The following LRBA variants were observed in gnomAD, a reference collection of about 807,000 sequenced individuals.
LRBA encodes lipopolysaccharide-responsive and beige-like anchor protein.
In LRBA, 176 loss-of-function variants were observed where a neutral mutation model predicts 330.0. The ratio of observed to expected loss-of-function variants is 0.53; its 90% confidence interval spans 0.47 to 0.60. The LOEUF is 0.60. LRBA is among the 20% of genes least tolerant of loss of function. LRBA has a pLI of 0.00. For synonymous variants in LRBA, 1,230 were observed against 1,193.0 expected (o/e 1.03, Z -0.64); for missense variants, 3,259 against 3,444.8 (o/e 0.95, Z 1.35).
chr4:150,429,782 T>C (rs776746913), intron 46 of LRBA, among the ~76,000 whole-genome samples: 5 of 152,128 alleles, frequency 3.3e-5, no homozygotes, highest in Admixed American at 1.3e-4. Flanking sequence ...TCTTACTATA[T>C]AAGATATAGC....
At chr4:150,595,333 T>C (rs1447051660) in intron 38 of LRBA, among the ~76,000 whole-genome samples, 1 of 151,956 alleles carries the variant, frequency 6.6e-6, no homozygotes, top group Non-Finnish European at 1.5e-5. Flanking sequence ...CTAGTATATG[T>C]TGATCCTAAA....
Position 151,014,496 on chromosome 4 carries a change from G to A in LRBA, c.147C>T (p.Ala49=), listed in dbSNP as rs763428001. The change falls in exon 2 of 57, where the codon GCC becomes GCT. Residue 49 remains alanine, a synonymous_variant. Transcript: ENST00000651943. The part of the protein sequence containing the change: ...LPIRGIRMKF[A]VLTGLVEVGE... ...CAACTTCAACCAAACCGGTCAACAC[G>A]GCAAATTTCATTCTGATGCCCCTGA... 6.2e-7 allele frequency: 1 copy of A among 1,614,150 alleles called. No homozygotes were observed. The highest frequency in any genetic ancestry group is 8.5e-7 in the Non-Finnish European group (1 of 1,180,036).
chr4:150,928,715 T>C (rs1734140770), intron 3 of LRBA, 99 bp from the exon 4 acceptor site: 1 of 1,239,302 alleles, frequency 8.1e-7, no homozygotes, highest in Non-Finnish European at 1.2e-6. Context: ...ACTAAAGTTC[T>C]AGGTGCATGC....
At chr4:150,774,484 T>A (rs1265865911) in intron 34 of LRBA, among the ~76,000 whole-genome samples, 1 of 152,242 alleles carries the variant, frequency 6.6e-6, no homozygotes, top group Non-Finnish European at 1.5e-5. Flanking sequence ...TAACTTATAA[T>A]ATTTATACAT....
At chr4:150,888,128 A>G (rs1423344600) in intron 17 of LRBA, among the ~76,000 whole-genome samples, 3 of 152,188 alleles carry the variant, frequency 2.0e-5, no homozygotes, top group African/African-American at 7.2e-5. Flanking sequence ...CAGGAAAGAA[A>G]GGAAAGGAAA....
chr4:150,889,135 G>A (rs908972914), intron 17 of LRBA, among the ~76,000 whole-genome samples: 2 of 152,154 alleles, frequency 1.3e-5, no homozygotes, highest in African/African-American at 4.8e-5. Flanking sequence ...CAACTGATTA[G>A]ATGAGGTCCA....
At chr4:150,933,847 C>G (rs557026128) in intron 2 of LRBA, among the ~76,000 whole-genome samples, 1 of 151,654 alleles carries the variant, frequency 6.6e-6, no homozygotes, top group East Asian at 1.9e-4. Flanking sequence ...ATGGCGAGAC[C>G]CCATCTCTAC....
chr4:150,877,526 TA>T (rs1754182526), intron 17 of LRBA, among the ~76,000 whole-genome samples: 1 of 152,180 alleles, frequency 6.6e-6, no homozygotes, highest in African/African-American at 2.4e-5. Flanking sequence ...ATCAGATATA[TA>T]AAACAACGAC....
intron 2 of LRBA, chr4:151,014,222 CA>C: frequency 3.8e-6 from 2 of 519,914 alleles, no homozygotes; most frequent in South Asian, 6.5e-5. Context: ...TTCACTTTCA[CA>C]AAACCTGGAT....
intron 36 of LRBA, among the ~76,000 whole-genome samples, chr4:150,716,388 G>C (rs1728204565): frequency 6.6e-6 from 1 of 152,110 alleles, no homozygotes; most frequent in African/African-American, 2.4e-5. Context: ...GGAGGTTTCA[G>C]TGCATAAAAA....
chr4:150,536,732 A>AT (rs1163545986), intron 40 of LRBA, among the ~76,000 whole-genome samples: 1 of 152,234 alleles, frequency 6.6e-6, no homozygotes, highest in African/African-American at 2.4e-5. Context: ...CCTAATCAAG[A>AT]ACACAATCCC....
intron 28 of LRBA, among the ~76,000 whole-genome samples, chr4:150,833,592 A>C (rs950091663): frequency 3.9e-5 from 6 of 152,114 alleles, no homozygotes; most frequent in African/African-American, 1.4e-4. Flanking sequence ...ATTGTATCTA[A>C]AAAAAACGCA....
At chr4:150,981,091 T>C (rs187406463) in intron 2 of LRBA, among the ~76,000 whole-genome samples, 12 of 151,046 alleles carry the variant, frequency 7.9e-5, no homozygotes. Context: ...ATCAAAATAC[T>C]AATGACATTC....
intron 13 of LRBA, 35 bp downstream of exon 13, chr4:150,905,803 T>G: frequency 1.3e-6 from 2 of 1,531,898 alleles, no homozygotes; most frequent in Non-Finnish European, 1.8e-6. Context: ...ACAGCAAAGA[T>G]AGTAAAACAA....
intron 28 of LRBA, among the ~76,000 whole-genome samples, chr4:150,832,774 T>C (rs1405486761): frequency 6.6e-6 from 1 of 151,834 alleles, no homozygotes; most frequent in Admixed American, 6.6e-5. Context: ...CCAAAGGAAT[T>C]CCTTCTTTTT....
intron 32 of LRBA, 91 bp from the exon 33 acceptor site, chr4:150,806,495 T>TGG: frequency 1.4e-6 from 1 of 694,678 alleles, no homozygotes; most frequent in Non-Finnish European, 2.0e-6. Flanking sequence ...CATATATATA[T>TGG]ATAATTATTT....
At chr4:150,567,094 T>C (rs1769230194) in intron 40 of LRBA, among the ~76,000 whole-genome samples, 1 of 152,168 alleles carries the variant, frequency 6.6e-6, no homozygotes. Flanking sequence ...TGTGATTTGC[T>C]ACAAATTATT....
intron 28 of LRBA, among the ~76,000 whole-genome samples, chr4:150,836,959 G>A (rs1459770443): frequency 2.0e-5 from 3 of 152,246 alleles, no homozygotes; most frequent in South Asian, 2.1e-4. Context: ...TCTACACACT[G>A]CTTTAAATGT....
intron 37 of LRBA, among the ~76,000 whole-genome samples, chr4:150,665,272 C>T (rs1781465746): frequency 6.6e-6 from 1 of 152,132 alleles, no homozygotes; most frequent in Non-Finnish European, 1.5e-5. Flanking sequence ...TGCTGTAATT[C>T]TAGACTCCCA....
Sources: allele counts gnomAD v4.1 joint callset (sites outside exome capture counted in the v4.1 genomes callset), GRCh38; gene constraint gnomAD v4.1.1; transcripts MANE v1.5; gene names NCBI Gene and HGNC (gene_info 2026-07-23, HGNC 2026-07-21).